FCHSD2: variants seen among roughly 807,000 people sequenced by gnomAD.
FCHSD2 encodes FCH and double SH3 domains 2.
A neutral mutation model predicts 108.1 loss-of-function variants in FCHSD2; 38 were observed. The ratio of observed to expected loss-of-function variants is 0.35; its 90% confidence interval spans 0.27 to 0.46. FCHSD2 has a LOEUF of 0.46. Ranked by LOEUF, FCHSD2 falls within the 20% of genes least tolerant of loss-of-function variation. The pLI is 1.00. For missense variants in FCHSD2, 751 were observed against 897.8 expected, an observed-to-expected ratio of 0.84 and a Z score of 2.09; for synonymous variants, 279 against 314.7, an observed-to-expected ratio of 0.89 and a Z score of 1.20.
chr11:73,102,585 C>T (rs1860249845), intron 2 of FCHSD2, among the ~76,000 whole-genome samples: 1 of 152,148 alleles, frequency 6.6e-6, no homozygotes, highest in South Asian at 2.1e-4. Context: ...AGTTTAATTG[C>T]CATTATAACA....
At chr11:73,140,150 TGA>T in intron 1 of FCHSD2, 22 bp from the exon 2 acceptor site, 1 of 1,381,490 alleles carries the variant, frequency 7.2e-7, no homozygotes, top group South Asian at 1.3e-5. Context: ...CATATATTTA[TGA>T]AGGTCTTTTT....
chr11:72,942,825 A>T (rs1856446543), intron 8 of FCHSD2, among the ~76,000 whole-genome samples: 1 of 152,110 alleles, frequency 6.6e-6, no homozygotes. Flanking sequence ...TCTATCACCC[A>T]GGCTGGAGTG....
chr11:72,849,627 A>G, intron 14 of FCHSD2, 128 bp downstream of exon 14: 1 of 723,588 alleles, frequency 1.4e-6, no homozygotes, highest in Non-Finnish European at 2.3e-6. Context: ...CCATTCTGTT[A>G]TGTTGCCCCA....
chr11:72,966,262 C>G (rs1856905005), intron 8 of FCHSD2, among the ~76,000 whole-genome samples: 1 of 151,716 alleles, frequency 6.6e-6, no homozygotes, highest in Non-Finnish European at 1.5e-5. Flanking sequence ...CGGGTTCATG[C>G]AATTCTCCTG....
At chr11:73,084,890 G>A (rs1859779070) in intron 2 of FCHSD2, among the ~76,000 whole-genome samples, 1 of 151,402 alleles carries the variant, frequency 6.6e-6, no homozygotes, top group African/African-American at 2.4e-5. Context: ...TTACCGTTAT[G>A]TGCCAGGAAT....
chr11:73,128,132 A>G (rs1327082836), intron 2 of FCHSD2, among the ~76,000 whole-genome samples: 1 of 152,178 alleles, frequency 6.6e-6, no homozygotes, highest in Non-Finnish European at 1.5e-5. Context: ...CTAAGAGGCC[A>G]AAATACAAAA....
At chr11:72,867,073 C>A (rs754051091) in intron 13 of FCHSD2, among the ~76,000 whole-genome samples, 42 of 152,050 alleles carry the variant, frequency 2.8e-4, no homozygotes, top group Non-Finnish European at 5.3e-4. Flanking sequence ...AGGAAGACAA[C>A]AATAAACAAA....
At chr11:72,854,557 G>A (rs929821310) in intron 13 of FCHSD2, among the ~76,000 whole-genome samples, 2 of 152,104 alleles carry the variant, frequency 1.3e-5, no homozygotes, top group Admixed American at 1.3e-4. Context: ...TCAGCCCCCC[G>A]AGTAGCCGGG....
chr11:73,068,813 T>TAAAAAAAAAAAAAAAAAGA (rs1859359220), intron 3 of FCHSD2, among the ~76,000 whole-genome samples: 1 of 83,046 alleles, frequency 1.2e-5, no homozygotes, highest in Non-Finnish European at 2.2e-5. Context: ...CTACAAAAAG[T>TAAAAAAAAAAAAAAAAAGA]AAAAAAAAAA....
chr11:72,869,177 G>A (rs1029815649), intron 12 of FCHSD2, among the ~76,000 whole-genome samples: 4 of 152,072 alleles, frequency 2.6e-5, no homozygotes, highest in Non-Finnish European at 5.9e-5. Context: ...AAAGTGCTGG[G>A]ATTACAGGCA....
At position 73,005,310 on chromosome 11, in the gene FCHSD2, T is replaced by C. The variant is rs139568627; in HGVS notation, c.243-4176A>G. Among the ~76,000 whole-genome samples the C allele has an allele frequency of 4.8e-3, 738 of 152,372 alleles. 3 individuals are homozygous for C. The highest frequency in any genetic ancestry group is 0.015 in the African/African-American group (609 of 41,594). ...CAATTCTATCCAAATCAGACTTTAG[T>C]GTCTACCACTCTTCTGAAATTGCTT... On this transcript the variant is annotated intron_variant, in intron 4 of 19. Transcript: ENST00000409418.
At chr11:72,906,613 G>A (rs975712869) in intron 9 of FCHSD2, among the ~76,000 whole-genome samples, 1 of 152,160 alleles carries the variant, frequency 6.6e-6, no homozygotes, top group African/African-American at 2.4e-5. Context: ...TAAAGTGTAA[G>A]GAAGGGATCC....
intron 19 of FCHSD2, among the ~76,000 whole-genome samples, chr11:72,840,027 T>C (rs911041354): frequency 6.6e-6 from 1 of 152,288 alleles, no homozygotes; most frequent in Admixed American, 6.5e-5. Flanking sequence ...CCCACTGCTC[T>C]CTCTTCCCAC....
chr11:72,994,006 G>A (rs985896304), intron 5 of FCHSD2, among the ~76,000 whole-genome samples: 1 of 152,198 alleles, frequency 6.6e-6, no homozygotes, highest in African/African-American at 2.4e-5. Context: ...GACACTGGAA[G>A]CTCTGTCTAT....
chr11:73,038,403 C>T (rs1156379396), intron 3 of FCHSD2, among the ~76,000 whole-genome samples: 2 of 151,470 alleles, frequency 1.3e-5, no homozygotes, highest in Non-Finnish European at 2.9e-5. Flanking sequence ...TTAAAGGGAC[C>T]TTATAATTTA....
chr11:72,949,451 C>CAAAGA lies in FCHSD2; in HGVS notation c.706-27506_706-27502dup, dbSNP rs1302748670. 2.7e-5 allele frequency among the ~76,000 whole-genome samples: 4 copies of CAAAGA among 149,604 alleles called. 1 individual carries two copies. The Admixed American group carries it at 2.7e-4, about 10-fold the overall frequency. On this transcript the variant is annotated intron_variant, in intron 8 of 19. Transcript: ENST00000409418. ...GGCACCAAAGAGCAAAACTCCATCT[C>CAAAGA]AAAGAAAGAAAGAAAAGAAAAGAAA... is the stretch of plus-strand genomic sequence containing the variant.
chr11:73,049,379 T>C (rs541512046), intron 3 of FCHSD2, among the ~76,000 whole-genome samples: 21 of 152,024 alleles, frequency 1.4e-4, no homozygotes, highest in Non-Finnish European at 2.6e-4. Context: ...AGAAACAAGA[T>C]AGGTAAAAGG....
chr11:72,924,517 C>G (rs942676301), intron 8 of FCHSD2, among the ~76,000 whole-genome samples: 16 of 150,906 alleles, frequency 1.1e-4, no homozygotes, highest in Admixed American at 9.9e-4. Flanking sequence ...CTCCTGATCT[C>G]GTGATCCGCC....
At chr11:72,940,792 C>CA in intron 8 of FCHSD2, 1 of 842,168 alleles carries the variant, frequency 1.2e-6, no homozygotes, top group Non-Finnish European at 2.0e-6. Context: ...CTGAAGCCTT[C>CA]AGTGCGTTGC....
Sources: allele counts gnomAD v4.1 joint callset (sites outside exome capture counted in the v4.1 genomes callset), GRCh38; gene constraint gnomAD v4.1.1; transcripts MANE v1.5; gene names NCBI Gene and HGNC (gene_info 2026-07-23, HGNC 2026-07-21).